The following RNF38 variants were observed in gnomAD, a reference collection of about 807,000 sequenced individuals.
RNF38 encodes the protein E3 ubiquitin-protein ligase RNF38.
Under a neutral mutation model 67.2 loss-of-function variants are expected in RNF38, and 15 were observed. The ratio of observed to expected loss-of-function variants is 0.22; its 90% CI spans 0.15 to 0.34. RNF38 has a LOEUF of 0.34. RNF38 is among the 10% of genes least tolerant of loss of function. The pLI is 1.00. For synonymous variants in RNF38, 220 were observed against 218.8 expected, an observed-to-expected ratio of 1.01 and a Z score of -0.05; for missense variants, 524 against 639.9, an observed-to-expected ratio of 0.82 and a Z score of 1.95.
intron 6 of RNF38, among the ~76,000 whole-genome samples, chr9:36,356,072 C>T (rs1834081807): frequency 6.6e-6 from 1 of 152,090 alleles, no homozygotes; most frequent in Non-Finnish European, 1.5e-5. Flanking sequence ...GTCTTGAACT[C>T]CAGACCCTAG....
rs373334379 is a variant in RNF38 at position 36,388,587 on chromosome 9, T to C, written c.162+1880A>G. 7.4e-4 allele frequency among the ~76,000 whole-genome samples: 112 copies of C among 152,282 alleles called. 2 individuals are homozygous for C. In the South Asian group the frequency reaches 0.022, roughly 30 times the overall value. The stretch of plus-strand genomic sequence containing the variant: ...GTAGCAACACATTTTTTCTCCCATA[T>C]GGCCACTTGACTAGCCACACACCCA... On this transcript the variant is annotated intron_variant, in intron 2 of 11. Transcript: ENST00000259605.
At chr9:36,408,898 T>C (rs981620665) in intron 2 of RNF38, among the ~76,000 whole-genome samples, 4 of 152,210 alleles carry the variant, frequency 2.6e-5, no homozygotes, top group African/African-American at 7.2e-5. Context: ...AATGATGTTA[T>C]GCACATGGCC....
At chr9:36,482,806 C>G (rs564677875) in intron 1 of RNF38, among the ~76,000 whole-genome samples, 32 of 152,302 alleles carry the variant, frequency 2.1e-4, no homozygotes, top group African/African-American at 7.5e-4. Context: ...CTTGAAGCCC[C>G]TAGGGCAAGC....
intron 4 of RNF38, among the ~76,000 whole-genome samples, chr9:36,362,912 G>A (rs62541839): frequency 0.27 from 18,254 of 67,482 alleles, 4,336 homozygotes; most frequent in Non-Finnish European, 0.41. Context: ...GATTACAAGC[G>A]TGAGGCACCA....
At chr9:36,433,491 G>A (rs1441682325) in intron 1 of RNF38, among the ~76,000 whole-genome samples, 1 of 151,832 alleles carries the variant, frequency 6.6e-6, no homozygotes, top group Non-Finnish European at 1.5e-5. Context: ...TATAATCCCA[G>A]CACTTTGGGA....
At chr9:36,465,680 T>G (rs914565689) in intron 1 of RNF38, among the ~76,000 whole-genome samples, 2 of 152,228 alleles carry the variant, frequency 1.3e-5, no homozygotes, top group African/African-American at 4.8e-5. Flanking sequence ...CAAAATAGGA[T>G]GCAATCCATA....
chr9:36,392,654 A>G lies in RNF38; in HGVS notation c.13-2038T>C, dbSNP rs1390811228. Among the ~76,000 whole-genome samples, 4 of 152,180 alleles carry G rather than the reference A, an allele frequency of 2.6e-5. No homozygotes were observed. In the East Asian group the frequency reaches 5.8e-4, roughly 22 times the overall value. Reference sequence around the variant, plus strand: ...GTGGCACACTCCTGTAGTCTTAGCTACTCAGGAGGCTAAGGCAGGAGCTTC... The same window carrying G: ...GTGGCACACTCCTGTAGTCTTAGCTGCTCAGGAGGCTAAGGCAGGAGCTTC... On this transcript the variant is annotated intron_variant, in intron 1 of 11. Coordinates refer to ENST00000259605, the MANE Select transcript of RNF38 (RefSeq NM_022781.5).
chr9:36,418,407 C>T (rs886436102), intron 2 of RNF38, among the ~76,000 whole-genome samples: 1 of 151,846 alleles, frequency 6.6e-6, no homozygotes, highest in African/African-American at 2.4e-5. Flanking sequence ...AATCCCGGCA[C>T]TTTGGAAGAC....
intron 9 of RNF38, among the ~76,000 whole-genome samples, chr9:36,349,255 T>C (rs907723804): frequency 2.0e-5 from 3 of 152,370 alleles, no homozygotes; most frequent in Non-Finnish European, 4.4e-5. Context: ...CTGCAGCCCA[T>C]GGAATAAAGG....
intron 2 of RNF38, among the ~76,000 whole-genome samples, chr9:36,388,571 C>T (rs1360658603): frequency 2.0e-5 from 3 of 152,104 alleles, no homozygotes; most frequent in Non-Finnish European, 2.9e-5. Context: ...TGTAGCAACA[C>T]ATTTTTTCTC....
intron 1 of RNF38, among the ~76,000 whole-genome samples, chr9:36,394,218 T>C (rs1051200262): frequency 6.6e-5 from 10 of 151,812 alleles, no homozygotes; most frequent in Non-Finnish European, 7.4e-5. Flanking sequence ...GAGGTTGCAG[T>C]GAGCCAAGAT....
chr9:36,381,074 G>C (rs563890531), intron 2 of RNF38, among the ~76,000 whole-genome samples: 15 of 152,174 alleles, frequency 9.9e-5, no homozygotes, highest in Middle Eastern at 6.8e-3. Flanking sequence ...AGTGGAAGTG[G>C]GTTTCTCCCG....
At chr9:36,344,711 C>T in intron 10 of RNF38, 121 bp downstream of exon 10, 1 of 898,588 alleles carries the variant, frequency 1.1e-6, no homozygotes, top group Non-Finnish European at 1.7e-6. Flanking sequence ...TCTCTGACTC[C>T]TAAGCATTTT....
At chr9:36,383,916 T>C (rs376866952) in intron 2 of RNF38, among the ~76,000 whole-genome samples, 2 of 152,252 alleles carry the variant, frequency 1.3e-5, no homozygotes, top group Non-Finnish European at 2.9e-5. Flanking sequence ...CCATGATGAA[T>C]AGTAAAATAC....
chr9:36,448,503 T>G (rs1204408676), intron 1 of RNF38, among the ~76,000 whole-genome samples: 1 of 152,164 alleles, frequency 6.6e-6, no homozygotes. Flanking sequence ...AGTGGTGGTA[T>G]AGTACAAATA....
intron 1 of RNF38, among the ~76,000 whole-genome samples, chr9:36,467,421 G>A (rs188023802): frequency 1.3e-5 from 2 of 151,794 alleles, no homozygotes; most frequent in East Asian, 3.9e-4. Flanking sequence ...GAGTAATTAT[G>A]CAGCAAGAGA....
intron 3 of RNF38, among the ~76,000 whole-genome samples, chr9:36,375,461 C>T (rs888714368): frequency 6.6e-6 from 1 of 152,006 alleles, no homozygotes; most frequent in East Asian, 1.9e-4. Flanking sequence ...CAAAATGTTG[C>T]GATTATAGGC....
At chr9:36,401,231 G>A (rs1216684974), upstream of RNF38, 1 of 971,554 alleles carries the variant, frequency 1.0e-6, no homozygotes, top group Non-Finnish European at 1.2e-6. Flanking sequence ...GGCTGCGCGC[G>A]GCCCGGCGCA....
intron 2 of RNF38, among the ~76,000 whole-genome samples, chr9:36,386,652 A>C (rs1836662396): frequency 6.6e-6 from 1 of 152,146 alleles, no homozygotes; most frequent in Non-Finnish European, 1.5e-5. Flanking sequence ...GACCTTCCTG[A>C]TATTAACAGG....
Sources: gnomAD v4.1 joint callset for allele counts (sites outside exome capture counted in the v4.1 genomes callset) on GRCh38, gnomAD v4.1.1 for gene constraint, MANE v1.5 for transcripts, NCBI Gene and HGNC (gene_info 2026-07-23, HGNC 2026-07-21) for gene names.